Variants in ZNF804B observed in about 807,000 individuals in gnomAD.
ZNF804B encodes zinc finger protein 804B, also known as zinc finger 804B.
A neutral mutation model predicts 101.4 loss-of-function variants in ZNF804B; 80 were observed. The ratio of observed to expected loss-of-function variants is 0.79; its 90% CI spans 0.66 to 0.95. ZNF804B has a LOEUF of 0.95. ZNF804B is among the 40% of genes least tolerant of loss of function. The pLI is 0.00. For missense variants in ZNF804B, 1,673 were observed against 1,561.9 expected, an observed-to-expected ratio of 1.07 and a Z score of -1.20; for synonymous variants, 622 against 558.8, an observed-to-expected ratio of 1.11 and a Z score of -1.59.
chr7:89,109,110 T>G (rs569153638), intron 1 of ZNF804B, among the ~76,000 whole-genome samples: 2 of 152,220 alleles, frequency 1.3e-5, no homozygotes, highest in African/African-American at 4.8e-5. Context: ...TTAAATCTAA[T>G]AGACCTAGAA....
chr7:89,282,216 A>AG (rs1261946160), intron 2 of ZNF804B, among the ~76,000 whole-genome samples: 1 of 151,490 alleles, frequency 6.6e-6, no homozygotes, highest in Non-Finnish European at 1.5e-5. Flanking sequence ...AAAAAAAAAA[A>AG]AAATGTAACT....
chr7:88,984,159 A>G (rs1356480034), intron 1 of ZNF804B, among the ~76,000 whole-genome samples: 1 of 152,102 alleles, frequency 6.6e-6, no homozygotes, highest in African/African-American at 2.4e-5. Flanking sequence ...TCACTCTAGC[A>G]CAGAGATATG....
At chr7:89,154,625 C>T (rs977039412) in intron 1 of ZNF804B, among the ~76,000 whole-genome samples, 1 of 152,064 alleles carries the variant, frequency 6.6e-6, no homozygotes, top group African/African-American at 2.4e-5. Flanking sequence ...AGACAAACAT[C>T]ACATGTTCTC....
chr7:88,894,911 A>G (rs1156488482), intron 1 of ZNF804B, among the ~76,000 whole-genome samples: 1 of 152,116 alleles, frequency 6.6e-6, no homozygotes, highest in Non-Finnish European at 1.5e-5. Flanking sequence ...TATAATATTG[A>G]GCTGGAGGAT....
chr7:89,015,952 A>G (rs1788548491), intron 1 of ZNF804B, among the ~76,000 whole-genome samples: 1 of 152,034 alleles, frequency 6.6e-6, no homozygotes, highest in Admixed American at 6.5e-5. Flanking sequence ...CAGTCCCACC[A>G]ACAGTGTAAA....
chr7:88,850,235 A>G (rs1284763073), intron 1 of ZNF804B, among the ~76,000 whole-genome samples: 1 of 152,158 alleles, frequency 6.6e-6, no homozygotes, highest in African/African-American at 2.4e-5. Context: ...TACTTCCTGG[A>G]TAAAGTTTCC....
intron 2 of ZNF804B, among the ~76,000 whole-genome samples, chr7:89,222,910 C>T (rs529330450): frequency 6.6e-4 from 101 of 151,962 alleles, no homozygotes; most frequent in African/African-American, 2.4e-3. Context: ...AGACTGCTTT[C>T]TTGGATAATA....
intron 1 of ZNF804B, among the ~76,000 whole-genome samples, chr7:88,949,884 A>G (rs759540616): frequency 2.0e-5 from 3 of 151,950 alleles, no homozygotes; most frequent in Non-Finnish European, 4.4e-5. Context: ...GCGGTAGGCT[A>G]TATCATGTAA....
intron 1 of ZNF804B, among the ~76,000 whole-genome samples, chr7:88,864,448 A>G (rs953407911): frequency 9.9e-5 from 15 of 152,176 alleles, no homozygotes; most frequent in African/African-American, 2.9e-4. Context: ...GATGCCAGGC[A>G]GGATGAGAAT....
intron 1 of ZNF804B, among the ~76,000 whole-genome samples, chr7:89,012,901 G>A (rs1327152936): frequency 6.6e-6 from 1 of 152,160 alleles, no homozygotes; most frequent in Non-Finnish European, 1.5e-5. Context: ...AAAGAAAAGA[G>A]GTTTAATTGA....
intron 1 of ZNF804B, among the ~76,000 whole-genome samples, chr7:88,840,291 C>A (rs1791276085): frequency 6.6e-6 from 1 of 152,050 alleles, no homozygotes; most frequent in South Asian, 2.1e-4. Flanking sequence ...TGATCATCAT[C>A]ATGAAGGTAA....
At chr7:88,802,938 G>T (rs1790612882) in intron 1 of ZNF804B, among the ~76,000 whole-genome samples, 1 of 152,026 alleles carries the variant, frequency 6.6e-6, no homozygotes, top group Admixed American at 6.6e-5. Context: ...GATACTATAA[G>T]GCACCCCCTT....
intron 1 of ZNF804B, among the ~76,000 whole-genome samples, chr7:88,878,323 C>A (rs1031178379): frequency 8.6e-5 from 13 of 151,996 alleles, no homozygotes; most frequent in Non-Finnish European, 1.8e-4. Flanking sequence ...CCCTATTTCC[C>A]TTTAGAATTT....
intron 1 of ZNF804B, among the ~76,000 whole-genome samples, chr7:89,111,197 A>C (rs1790210671): frequency 6.6e-6 from 1 of 152,232 alleles, no homozygotes; most frequent in Admixed American, 6.5e-5. Flanking sequence ...ATTTGTGTGA[A>C]GGTTTTTGTA....
At chr7:89,279,937 C>G (rs987169122) in intron 2 of ZNF804B, among the ~76,000 whole-genome samples, 1 of 152,194 alleles carries the variant, frequency 6.6e-6, no homozygotes, top group South Asian at 2.1e-4. Flanking sequence ...CTCTCCACCC[C>G]AAATCAACAG....
intron 1 of ZNF804B, among the ~76,000 whole-genome samples, chr7:88,875,304 A>G (rs1791913073): frequency 6.6e-6 from 1 of 151,826 alleles, no homozygotes; most frequent in African/African-American, 2.4e-5. Flanking sequence ...AGAAATAACT[A>G]AAATCAGAGC....
chr7:89,194,035 G>C (rs955337165), intron 1 of ZNF804B, among the ~76,000 whole-genome samples: 1 of 152,034 alleles, frequency 6.6e-6, no homozygotes, highest in African/African-American at 2.4e-5. Flanking sequence ...TCTCATTGTG[G>C]TTTTGATTTG....
chr7:89,255,260 G>C (rs1789609857), intron 2 of ZNF804B, among the ~76,000 whole-genome samples: 1 of 152,154 alleles, frequency 6.6e-6, no homozygotes, highest in African/African-American at 2.4e-5. Flanking sequence ...AACAGCACGG[G>C]AGAAACTGCC....
chr7:88,861,708 C>T (rs745706993), intron 1 of ZNF804B, among the ~76,000 whole-genome samples: 57 of 152,074 alleles, frequency 3.7e-4, no homozygotes, highest in Non-Finnish European at 7.2e-4. Flanking sequence ...TTTCAGTGTA[C>T]AATTTACAGT....
Sources: allele counts gnomAD v4.1 joint callset (sites outside exome capture counted in the v4.1 genomes callset), GRCh38; gene constraint gnomAD v4.1.1; transcripts MANE v1.5; gene names NCBI Gene and HGNC (gene_info 2026-07-23, HGNC 2026-07-21).